Variants in LINGO2 observed in about 807,000 individuals in gnomAD.
LINGO2 encodes the protein leucine-rich repeat and immunoglobulin-like domain-containing nogo receptor-interacting protein 2.
In LINGO2, 14 loss-of-function variants were observed where a neutral mutation model predicts 30.6. The observed-to-expected ratio is 0.46, with a 90% CI of 0.30 to 0.72. The LOEUF is 0.72. Ranked by LOEUF, LINGO2 falls within the 30% of genes least tolerant of loss-of-function variation. The probability of loss-of-function intolerance (pLI) is 0.07; values close to 1 mark genes in which losing one functional copy is unlikely to be tolerated. For missense variants in LINGO2, 729 were observed against 751.7 expected, an observed-to-expected ratio of 0.97 and a Z score of 0.35; for synonymous variants, 317 against 288.5, an observed-to-expected ratio of 1.10 and a Z score of -1.00.
the LINGO2 span, among the ~76,000 whole-genome samples, chr9:28,718,746 C>G: frequency 6.6e-6 from 1 of 152,000 alleles, no homozygotes; most frequent in Non-Finnish European, 1.5e-5. Flanking sequence ...ACTCATTTTT[C>G]CTTTATTCTT....
At chr9:29,050,033 ATT>A in the LINGO2 span, among the ~76,000 whole-genome samples, 7 of 148,700 alleles carry the variant, frequency 4.7e-5, no homozygotes, top group East Asian at 3.9e-4. Flanking sequence ...TGCTTATTAC[ATT>A]TTTTTTTTTT....
At chr9:28,567,545 A>G (rs1194628584) in intron 1 of LINGO2, among the ~76,000 whole-genome samples, 7 of 152,146 alleles carry the variant, frequency 4.6e-5, no homozygotes, top group Non-Finnish European at 1.0e-4. Flanking sequence ...TAACTCAGAA[A>G]CAGGCAATCA....
the LINGO2 span, among the ~76,000 whole-genome samples, chr9:28,961,381 G>C: frequency 1.3e-5 from 2 of 152,116 alleles, no homozygotes; most frequent in South Asian, 4.1e-4. Context: ...GGATTTCATA[G>C]CCAGGGAATA....
At chr9:28,488,281 A>G (rs555235289) in intron 1 of LINGO2, among the ~76,000 whole-genome samples, 2 of 152,314 alleles carry the variant, frequency 1.3e-5, no homozygotes, top group East Asian at 3.9e-4. Context: ...TTAAGAAAAA[A>G]CTTTAAGAGA....
intron 1 of LINGO2, among the ~76,000 whole-genome samples, chr9:28,567,507 G>A (rs1436731681): frequency 6.6e-6 from 1 of 152,078 alleles, no homozygotes; most frequent in Non-Finnish European, 1.5e-5. Flanking sequence ...AACATGGATG[G>A]AGCTACAGAT....
At chr9:28,648,694 C>G (rs1265851387) in intron 1 of LINGO2, among the ~76,000 whole-genome samples, 1 of 152,094 alleles carries the variant, frequency 6.6e-6, no homozygotes, top group Non-Finnish European at 1.5e-5. Context: ...TTTGACTTCA[C>G]AAGTCTTAGT....
At chr9:28,390,981 A>G (rs1418386287) in intron 2 of LINGO2, among the ~76,000 whole-genome samples, 2 of 152,178 alleles carry the variant, frequency 1.3e-5, no homozygotes, top group Non-Finnish European at 2.9e-5. Context: ...TGTAAAAGTT[A>G]TCTGTTTGCA....
At chr9:28,333,757 C>A (rs1825500469) in intron 3 of LINGO2, among the ~76,000 whole-genome samples, 2 of 152,154 alleles carry the variant, frequency 1.3e-5, no homozygotes, top group South Asian at 4.1e-4. Flanking sequence ...AAAAGTCATA[C>A]AACTACTATG....
rs895809007 is a variant in LINGO2, at chr9:28,061,548, C to T, written c.-86-49143G>A. Among the ~76,000 whole-genome samples the T allele has an allele frequency of 2.0e-5, 3 of 151,404 alleles. No individual in the cohort carries two copies. In the East Asian group the frequency reaches 5.8e-4, roughly 29 times the overall value. ...ACACATGATTGTAAATGCTTTGTAC[C>T]TTTTAATCCATAAAAATAAAAAAAG... On this transcript the variant is annotated intron_variant, in intron 4 of 5. Coordinates refer to ENST00000379992, the Ensembl canonical transcript of LINGO2.
chr9:28,267,754 A>G (rs553637819), intron 4 of LINGO2, among the ~76,000 whole-genome samples: 6 of 152,116 alleles, frequency 3.9e-5, no homozygotes, highest in Admixed American at 6.6e-5. Context: ...CTATATGGCT[A>G]CATGATCCCC....
chr9:29,146,625 A>T, the LINGO2 span, among the ~76,000 whole-genome samples: 1 of 152,154 alleles, frequency 6.6e-6, no homozygotes, highest in African/African-American at 2.4e-5. Flanking sequence ...TTAAAAGAAA[A>T]ATGTGGCAGA....
the LINGO2 span, among the ~76,000 whole-genome samples, chr9:28,756,708 T>A: frequency 1.3e-5 from 2 of 151,932 alleles, no homozygotes; most frequent in African/African-American, 4.8e-5. Flanking sequence ...TTCTCATGGT[T>A]CTGATGGTTT....
chr9:28,871,569 A>C, the LINGO2 span, among the ~76,000 whole-genome samples: 4 of 151,962 alleles, frequency 2.6e-5, no homozygotes, highest in African/African-American at 9.7e-5. Context: ...TATGTAATAT[A>C]TAAAAATATT....
rs1025784503 is a variant in LINGO2, at chr9:28,329,361, C to T, written c.-245-33995G>A. Among the ~76,000 whole-genome samples, 3 of 152,154 alleles carry T rather than the reference C, an allele frequency of 2.0e-5. No individual in the cohort carries two copies. Among genetic ancestry groups the T allele is most frequent in the Non-Finnish European group, 4.4e-5 (3 of 68,016 alleles). On this transcript the variant is annotated intron_variant, in intron 3 of 5. Transcript: ENST00000379992. This position sits in a 1 kb window ranked among gnomAD's most constrained non-coding sequence, Gnocchi z 4.5. The stretch of plus-strand genomic sequence containing the variant: ...CTCCCTTCAAAGCAGTACCTTCTGC[C>T]TGTTACTAAACCCCTTCTCTCCATA...
the LINGO2 span, among the ~76,000 whole-genome samples, chr9:28,815,854 T>C: frequency 6.6e-5 from 10 of 152,190 alleles, no homozygotes; most frequent in East Asian, 1.9e-3. Flanking sequence ...CCCACCTTAG[T>C]CTTGCCAATT....
At chr9:27,957,886 C>A (rs1009829948) in intron 5 of LINGO2, among the ~76,000 whole-genome samples, 3 of 152,146 alleles carry the variant, frequency 2.0e-5, no homozygotes, top group African/African-American at 7.2e-5. Flanking sequence ...TTTCCTTCAA[C>A]AAATATTTTG....
the LINGO2 span, among the ~76,000 whole-genome samples, chr9:28,957,093 T>C: frequency 2.0e-5 from 3 of 152,086 alleles, no homozygotes; most frequent in Admixed American, 1.3e-4. Flanking sequence ...GTGTCTGGAC[T>C]CAACATATTC....
At chr9:28,373,621 C>T (rs749669938) in intron 2 of LINGO2, among the ~76,000 whole-genome samples, 1 of 151,970 alleles carries the variant, frequency 6.6e-6, no homozygotes, top group African/African-American at 2.4e-5. Flanking sequence ...GGATTCAGGC[C>T]GGGCGCAGTG....
chr9:28,012,823 A>G (rs1822627531), intron 4 of LINGO2, among the ~76,000 whole-genome samples: 1 of 152,024 alleles, frequency 6.6e-6, no homozygotes, highest in Non-Finnish European at 1.5e-5. Flanking sequence ...TCTCCATTCA[A>G]AAACTGTCTA....
Sources: gnomAD v4.1 joint callset for allele counts (sites outside exome capture counted in the v4.1 genomes callset) on GRCh38, gnomAD v4.1.1 for gene constraint, Gnocchi (gnomAD v3.1) non-coding constraint, MANE v1.5 for transcripts, NCBI Gene and HGNC (gene_info 2026-07-23, HGNC 2026-07-21) for gene names.